The following CHRM3 variants were observed in gnomAD, a reference collection of about 807,000 sequenced individuals.
CHRM3 encodes the protein muscarinic acetylcholine receptor M3.
A neutral mutation model predicts 41.8 loss-of-function variants in CHRM3; 11 were observed. The ratio of observed to expected loss-of-function variants is 0.26; its 90% CI spans 0.17 to 0.44. CHRM3 has a LOEUF of 0.44. Ranked by LOEUF, CHRM3 falls within the 20% of genes least tolerant of loss-of-function variation. The probability of loss-of-function intolerance (pLI) is 1.00; values close to 1 mark genes in which losing one functional copy is unlikely to be tolerated. For synonymous variants in CHRM3, 297 were observed against 301.4 expected (o/e 0.99, Z 0.15); for missense variants, 571 against 745.4 (o/e 0.77, Z 2.72).
At chr1:239,809,196 A>G (rs1670914085) in intron 5 of CHRM3, among the ~76,000 whole-genome samples, 1 of 149,692 alleles carries the variant, frequency 6.7e-6, no homozygotes, top group Non-Finnish European at 1.5e-5. Context: ...GTTTTTTTGT[A>G]TTTTTAGTAG....
chr1:239,696,886 C>A (rs1053370882), intron 5 of CHRM3, among the ~76,000 whole-genome samples: 2 of 152,120 alleles, frequency 1.3e-5, no homozygotes, highest in African/African-American at 4.8e-5. Context: ...CTAATTATGA[C>A]CACTGTAAGG....
chr1:239,507,161 C>T (rs989858956), intron 2 of CHRM3, among the ~76,000 whole-genome samples: 2 of 152,084 alleles, frequency 1.3e-5, no homozygotes, highest in Non-Finnish European at 2.9e-5. Flanking sequence ...GTTCAGAAGG[C>T]ATGATTGGTT....
intron 1 of CHRM3, among the ~76,000 whole-genome samples, chr1:239,455,950 C>T (rs1019705713): frequency 2.0e-5 from 3 of 152,098 alleles, no homozygotes; most frequent in East Asian, 3.9e-4. Flanking sequence ...AGGCTTTAAT[C>T]GGGTGCTGTA....
chr1:239,829,445 T>C (rs1672728415), intron 6 of CHRM3, among the ~76,000 whole-genome samples: 2 of 152,172 alleles, frequency 1.3e-5, no homozygotes, highest in East Asian at 1.9e-4. Flanking sequence ...AAATTTTTTA[T>C]GTTGATTGGC....
chr1:239,534,182 G>GC (rs1444218251), intron 2 of CHRM3, among the ~76,000 whole-genome samples: 1 of 152,034 alleles, frequency 6.6e-6, no homozygotes, highest in Non-Finnish European at 1.5e-5. Flanking sequence ...ACAAAAATTA[G>GC]CCAGGCCTGG....
At chr1:239,612,224 A>T (rs1044816068) in intron 3 of CHRM3, among the ~76,000 whole-genome samples, 1 of 152,236 alleles carries the variant, frequency 6.6e-6, no homozygotes. Flanking sequence ...GTCTTACATG[A>T]CATGTGCCAT....
intron 3 of CHRM3, among the ~76,000 whole-genome samples, chr1:239,592,151 T>TTA (rs1465273065): frequency 2.1e-4 from 32 of 152,184 alleles, no homozygotes; most frequent in Admixed American, 1.6e-3. Flanking sequence ...TCATTAAAAA[T>TTA]AGATAGAGTC....
At chr1:239,810,874 T>C (rs1197515400) in intron 5 of CHRM3, among the ~76,000 whole-genome samples, 11 of 152,198 alleles carry the variant, frequency 7.2e-5, no homozygotes, top group Admixed American at 3.9e-4. Flanking sequence ...AAAATCGCCA[T>C]CTGTAAGAAT....
At chr1:239,696,782 T>C (rs1046421030) in intron 5 of CHRM3, among the ~76,000 whole-genome samples, 2 of 152,188 alleles carry the variant, frequency 1.3e-5, no homozygotes, top group Non-Finnish European at 2.9e-5. Flanking sequence ...AACTGAATAA[T>C]ACACGTTTGC....
At chr1:239,550,439 C>A (rs1659707272) in intron 3 of CHRM3, among the ~76,000 whole-genome samples, 1 of 152,008 alleles carries the variant, frequency 6.6e-6, no homozygotes, top group South Asian at 2.1e-4. Flanking sequence ...TTTCCTGGGT[C>A]CAGAACTCAA....
chr1:239,463,604 C>T (rs888155529), intron 1 of CHRM3, among the ~76,000 whole-genome samples: 1 of 152,046 alleles, frequency 6.6e-6, no homozygotes, highest in Admixed American at 6.6e-5. Context: ...AAATACAGGA[C>T]TATGTGAAGA....
At chr1:239,487,709 G>T (rs1667268394) in intron 1 of CHRM3, among the ~76,000 whole-genome samples, 1 of 151,796 alleles carries the variant, frequency 6.6e-6, no homozygotes, top group Admixed American at 6.6e-5. Context: ...ATAAGAAAAT[G>T]AATCCAAGAT....
At chr1:239,758,982 A>G (rs1666466549) in intron 5 of CHRM3, among the ~76,000 whole-genome samples, 1 of 152,140 alleles carries the variant, frequency 6.6e-6, no homozygotes, top group African/African-American at 2.4e-5. Context: ...AAGAAGTAAG[A>G]GAATCAGCAG....
intron 5 of CHRM3, among the ~76,000 whole-genome samples, chr1:239,736,624 C>T (rs527427773): frequency 1.3e-5 from 2 of 152,186 alleles, no homozygotes; most frequent in South Asian, 2.1e-4. Context: ...TTATAGCCTA[C>T]GTTTGAAACT....
chr1:239,844,337 A>G (rs990097690), intron 6 of CHRM3, among the ~76,000 whole-genome samples: 3 of 152,186 alleles, frequency 2.0e-5, no homozygotes, highest in African/African-American at 7.2e-5. Flanking sequence ...ATTTTTGGTG[A>G]ACTCAATATG....
intron 6 of CHRM3, among the ~76,000 whole-genome samples, chr1:239,869,099 T>C (rs1042833552): frequency 7.9e-5 from 12 of 152,034 alleles, no homozygotes; most frequent in African/African-American, 2.9e-4. Context: ...CACCCCAAAC[T>C]GCATGCCAGA....
At chr1:239,812,677 A>G (rs1393098006) in intron 5 of CHRM3, among the ~76,000 whole-genome samples, 2 of 152,222 alleles carry the variant, frequency 1.3e-5, no homozygotes, top group Admixed American at 6.5e-5. Flanking sequence ...TGAGCAAACT[A>G]TCCATTTATC....
chr1:239,745,343 C>G lies in CHRM3; in HGVS notation c.-147+67055C>G, dbSNP rs1011925819. On this transcript the variant is annotated intron_variant, in intron 5 of 6. Coordinates refer to ENST00000676153, the MANE Select transcript of CHRM3 (RefSeq NM_001375978.1). ...CATGGGGAGATGTTGAGGAGGTACACAGGTAGACGTGTACCTACCTGTTGA... is the reference window on the plus strand; with the variant it reads ...CATGGGGAGATGTTGAGGAGGTACAGAGGTAGACGTGTACCTACCTGTTGA... Among the ~76,000 whole-genome samples the G allele has an allele frequency of 4.0e-5, 6 of 151,864 alleles. No homozygotes were observed. In the East Asian group the frequency reaches 1.2e-3, roughly 29 times the overall value.
Position 239,556,415 on chromosome 1 carries a change from C to A in CHRM3, c.-313+10666C>A, listed in dbSNP as rs145484581. Among the ~76,000 whole-genome samples the A allele has an allele frequency of 2.5e-3, 379 of 152,174 alleles. 1 individual carries two copies. Among genetic ancestry groups the A allele is most frequent in the African/African-American group, 8.6e-3 (358 of 41,522 alleles). ...CATGGTTTTTTTGACAATGGGACAA[C>A]ACAGTGTTGAGGTAGAGAAACACAA... is the stretch of plus-strand genomic sequence containing the variant. On this transcript the variant is annotated intron_variant, in intron 3 of 6. Coordinates refer to ENST00000676153, the MANE Select transcript of CHRM3 (RefSeq NM_001375978.1).
Sources: allele counts gnomAD v4.1 joint callset (sites outside exome capture counted in the v4.1 genomes callset), GRCh38; gene constraint gnomAD v4.1.1; transcripts MANE v1.5; gene names NCBI Gene and HGNC (gene_info 2026-07-23, HGNC 2026-07-21).